Variants in EPHB2 observed in about 807,000 individuals in gnomAD.
The protein encoded by EPHB2 is ephrin type-B receptor 2.
EPHB2 carries 18 observed loss-of-function variants against 96.4 expected under a neutral mutation model. The observed-to-expected ratio is 0.19, with a 90% CI of 0.13 to 0.28. EPHB2 has a LOEUF of 0.28. Among genes scored for constraint, EPHB2 ranks in the 10% least tolerant of loss-of-function variants. The pLI, the probability that EPHB2 is intolerant of heterozygous loss-of-function variation, is 1.00. For synonymous variants in EPHB2, 506 were observed against 534.1 expected (o/e 0.95, Z 0.72); for missense variants, 989 against 1,355.4 (o/e 0.73, Z 4.25).
chr1:22,816,107 C>T (rs540998490), intron 3 of EPHB2, among the ~76,000 whole-genome samples: 1 of 152,310 alleles, frequency 6.6e-6, no homozygotes, highest in Admixed American at 6.5e-5. Context: ...TAACTGTCCA[C>T]CACCCATCTC....
intron 3 of EPHB2, among the ~76,000 whole-genome samples, chr1:22,829,324 G>A (rs561698544): frequency 1.3e-3 from 198 of 152,318 alleles, no homozygotes; most frequent in African/African-American, 4.3e-3. Flanking sequence ...AGAGGCTCCC[G>A]GTCAGCGTCT....
At chr1:22,864,838 CT>C (rs1352376430) in intron 4 of EPHB2, 38 bp from the exon 5 acceptor site, 1 of 1,390,252 alleles carries the variant, frequency 7.2e-7, no homozygotes, top group Non-Finnish European at 1.0e-6. Context: ...ATAGTACCCC[CT>C]GAGCCCCCCA....
At chr1:22,862,953 G>A in intron 3 of EPHB2, 84 bp from the exon 4 acceptor site, 1 of 1,570,938 alleles carries the variant, frequency 6.4e-7, no homozygotes, top group Non-Finnish European at 8.8e-7. Flanking sequence ...GAGGCTGTGT[G>A]GCCCCTCCGT....
intron 1 of EPHB2, among the ~76,000 whole-genome samples, chr1:22,751,630 C>T (rs1644064762): frequency 6.6e-6 from 1 of 152,214 alleles, no homozygotes; most frequent in South Asian, 2.1e-4. Flanking sequence ...ACCCTGGGTT[C>T]AAGTCCTGGT....
chr1:22,910,470 A>C lies in EPHB2; in HGVS notation c.2591A>C (p.Gln864Pro). The C allele has an allele frequency of 6.2e-7, 1 of 1,613,920 alleles. No individual in the cohort carries two copies. The highest frequency in any genetic ancestry group is 8.5e-7 in the Non-Finnish European group (1 of 1,180,026). Residue 864 changes from glutamine to proline, a missense_variant, in exon 14 of 16, where the codon CAG becomes CCG. By Grantham distance (76) the Gln-to-Pro change is moderately conservative. Transcript: ENST00000374630. Reference protein sequence around the residue: ...ALHQLMLDCWQKDRNHRPKFG... With the variant: ...ALHQLMLDCWPKDRNHRPKFG... ...CACCAACTCATGCTGGACTGTTGGC[A>C]GAAGGACCGCAACCACCGGCCCAAG... is the stretch of plus-strand genomic sequence containing the variant.
chr1:22,734,131 T>C (rs1236162566), intron 1 of EPHB2, among the ~76,000 whole-genome samples: 2 of 152,190 alleles, frequency 1.3e-5, no homozygotes, highest in Non-Finnish European at 2.9e-5. Context: ...CTCATGTCTC[T>C]ATCAGGCCTC....
In EPHB2 at chr1:22,838,703, T is replaced by C. The variant is rs191441824; in HGVS notation, c.812-24334T>C. On this transcript the variant is annotated intron_variant, in intron 3 of 15. Transcript: ENST00000374630. ...CAGCACTTTGGGAGGCCGAGGCGGA[T>C]GGATCACGAGGTCAGGAGATCGAGC... 3.4e-3 allele frequency among the ~76,000 whole-genome samples: 521 copies of C among 152,262 alleles called. 2 individuals carry two copies. Among genetic ancestry groups the C allele is most frequent in the Middle Eastern group, 0.017 (5 of 294 alleles).
chr1:22,792,571 G>GTCCATCCA (rs372019690), intron 3 of EPHB2, among the ~76,000 whole-genome samples: 2,083 of 151,756 alleles, frequency 0.014, 50 homozygotes, highest in African/African-American at 0.047. Context: ...CCATCCATTG[G>GTCCATCCA]TCCATCCATC....
At chr1:22,836,089 A>G (rs767983419) in intron 3 of EPHB2, 21 of 152,200 alleles carry the variant, frequency 1.4e-4, no homozygotes, top group African/African-American at 1.9e-4. Flanking sequence ...CAAGCGAGAC[A>G]TGAATCACCG....
chr1:22,818,991 C>A (rs184917833), intron 3 of EPHB2, among the ~76,000 whole-genome samples: 32 of 151,948 alleles, frequency 2.1e-4, no homozygotes, highest in Middle Eastern at 3.4e-3. Context: ...TAGGCTCCCC[C>A]CTCCCAGGGG....
At chr1:22,838,247 A>C (rs1440322680) in intron 3 of EPHB2, among the ~76,000 whole-genome samples, 1 of 152,212 alleles carries the variant, frequency 6.6e-6, no homozygotes, top group South Asian at 2.1e-4. Context: ...CTCAAGTGCA[A>C]TAACCAATGT....
chr1:22,762,373 C>T (rs974434638), intron 1 of EPHB2, among the ~76,000 whole-genome samples: 6 of 152,202 alleles, frequency 3.9e-5, no homozygotes, highest in Non-Finnish European at 8.8e-5. Flanking sequence ...AAGAATGGCT[C>T]AGGGACACCC....
chr1:22,896,596 G>T, intron 9 of EPHB2, 118 bp downstream of exon 9: 1 of 1,356,220 alleles, frequency 7.4e-7, no homozygotes. Flanking sequence ...ATGTCAAGTG[G>T]TTGCCTGGTT....
At chr1:22,886,917 C>T (rs1269982052) in intron 6 of EPHB2, among the ~76,000 whole-genome samples, 2 of 152,008 alleles carry the variant, frequency 1.3e-5, no homozygotes, top group Admixed American at 6.6e-5. Flanking sequence ...TGAGCCACCG[C>T]GCCCGGCCAG....
intron 1 of EPHB2, among the ~76,000 whole-genome samples, chr1:22,768,102 G>A (rs916531233): frequency 3.3e-5 from 5 of 152,180 alleles, no homozygotes; most frequent in East Asian, 1.9e-4. Flanking sequence ...GGAGCCAAGC[G>A]TTACTGTGGG....
chr1:22,747,731 T>G (rs1643997129), intron 1 of EPHB2, among the ~76,000 whole-genome samples: 1 of 152,228 alleles, frequency 6.6e-6, no homozygotes, highest in African/African-American at 2.4e-5. Flanking sequence ...AGGTGCGACC[T>G]GTCTCCTCAC....
intron 1 of EPHB2, among the ~76,000 whole-genome samples, chr1:22,717,130 A>G (rs1162269967): frequency 2.0e-5 from 3 of 152,230 alleles, no homozygotes; most frequent in Non-Finnish European, 2.9e-5. Flanking sequence ...AAGTGAAATC[A>G]ATCAGAGTTA....
At chr1:22,813,550 G>A (rs1014787473) in intron 3 of EPHB2, among the ~76,000 whole-genome samples, 2 of 152,248 alleles carry the variant, frequency 1.3e-5, no homozygotes, top group East Asian at 3.8e-4. Context: ...TGCTGGCAGA[G>A]GCTGTGGAGG....
intron 6 of EPHB2, among the ~76,000 whole-genome samples, chr1:22,892,600 G>A (rs957553452): frequency 6.6e-6 from 1 of 152,144 alleles, no homozygotes; most frequent in Non-Finnish European, 1.5e-5. Context: ...TAAAGCCTCT[G>A]CTTGCATCAT....
Sources: gnomAD v4.1 joint callset for allele counts (sites outside exome capture counted in the v4.1 genomes callset) on GRCh38, gnomAD v4.1.1 for gene constraint, MANE v1.5 for transcripts, NCBI Gene and HGNC (gene_info 2026-07-23, HGNC 2026-07-21) for gene names.